The following CERS3 variants were observed in gnomAD, a reference collection of about 807,000 sequenced individuals.
CERS3 encodes the protein LAG1 homolog, ceramide synthase 3.
Under a neutral mutation model 50.3 loss-of-function variants are expected in CERS3, and 33 were observed. The observed-to-expected ratio is 0.66, with a 90% CI of 0.50 to 0.88. CERS3 has a LOEUF of 0.88. CERS3 is among the 40% of genes least tolerant of loss of function. The probability of loss-of-function intolerance (pLI) is 0.00; values close to 1 mark genes in which losing one functional copy is unlikely to be tolerated. For missense variants in CERS3, 470 were observed against 460.3 expected (o/e 1.02, Z -0.19); for synonymous variants, 176 against 155.2 (o/e 1.13, Z -0.99).
chr15:100,481,292 G>A (rs557003758), intron 5 of CERS3, among the ~76,000 whole-genome samples: 71 of 152,270 alleles, frequency 4.7e-4, no homozygotes, highest in African/African-American at 1.6e-3. Context: ...TAAGCTAGAC[G>A]ACAGTCTTTC....
chr15:100,452,472 C>A (rs1449094932), intron 11 of CERS3, among the ~76,000 whole-genome samples: 1 of 151,976 alleles, frequency 6.6e-6, no homozygotes, highest in Non-Finnish European at 1.5e-5. Flanking sequence ...AATCAAAACA[C>A]AACATATCAA....
At chr15:100,416,035 T>C (rs2031877090) in intron 11 of CERS3, among the ~76,000 whole-genome samples, 1 of 152,040 alleles carries the variant, frequency 6.6e-6, no homozygotes, top group Admixed American at 6.5e-5. Flanking sequence ...ATAGGAAAAG[T>C]CAATATTGTT....
At chr15:100,490,691 C>T in intron 4 of CERS3, 126 bp downstream of exon 4, 2 of 635,286 alleles carry the variant, frequency 3.1e-6, no homozygotes, top group Non-Finnish European at 5.6e-6. Flanking sequence ...ACAATAAATC[C>T]AAGTGAATCC....
In CERS3 at chr15:100,452,218, T is replaced by C. The variant is rs188629035; in HGVS notation, c.999+3675A>G. ...GGGACATTCTCCAGGATAGACCATA[T>C]GTTAGGACATAAAACATGTCTCAAC... On this transcript the variant is annotated intron_variant, in intron 11 of 11. Transcript: ENST00000679737. 6.0e-4 allele frequency among the ~76,000 whole-genome samples: 92 copies of C among 152,356 alleles called. 2 individuals are homozygous for C. The East Asian group carries it at 9.6e-3, about 16-fold the overall frequency.
At chr15:100,538,840 T>C (rs1435631366) in intron 1 of CERS3, among the ~76,000 whole-genome samples, 2 of 152,214 alleles carry the variant, frequency 1.3e-5, no homozygotes, top group Admixed American at 6.5e-5. Context: ...TTCTTTTCCA[T>C]TGAATCATCA....
rs950942254 is a variant in CERS3 at position 100,455,946 on chromosome 15, G to T, written c.946C>A (p.Leu316Ile). 6.2e-7 allele frequency: 1 copy of T among 1,613,334 alleles called. No homozygotes were observed. The highest frequency in any genetic ancestry group is 1.3e-5 in the African/African-American group (1 of 74,990). ...LQLMILQVLHLYWGYYILKML... is the reference protein window; with the variant it reads ...LQLMILQVLHIYWGYYILKML... Reference sequence around the variant, plus strand: ...TTCAAGATGTAATAACCCCAGTAAAGGTGAAGGACCTGCAAGATCATGAGC... The same window carrying T: ...TTCAAGATGTAATAACCCCAGTAAATGTGAAGGACCTGCAAGATCATGAGC... Residue 316 changes from leucine to isoleucine, a missense_variant, in exon 11 of 12, where the codon CTT becomes ATT. By Grantham distance (5) the Leu-to-Ile change is conservative (BLOSUM62 2). Coordinates refer to ENST00000679737, the MANE Select transcript of CERS3 (RefSeq NM_001378789.1).
chr15:100,471,884 C>T (rs985634254), intron 9 of CERS3, among the ~76,000 whole-genome samples: 1 of 152,174 alleles, frequency 6.6e-6, no homozygotes, highest in Non-Finnish European at 1.5e-5. Context: ...TGGTAAATTA[C>T]AGTCCCCCCA....
At position 100,492,367 on chromosome 15, in the gene CERS3, C is replaced by T. The variant is rs984562761; in HGVS notation, c.174-1436G>A. Among the ~76,000 whole-genome samples, 9 of 152,122 alleles carry T rather than the reference C, an allele frequency of 5.9e-5. No individual in the cohort carries two copies. In the East Asian group the frequency reaches 1.3e-3, roughly 23 times the overall value. On this transcript the variant is annotated intron_variant, in intron 3 of 11. Coordinates refer to ENST00000679737, the MANE Select transcript of CERS3 (RefSeq NM_001378789.1). ...TTTAATTCTGTCAGTTTTTACTCCA[C>T]GTATTTTGGAACTCTGTTGCTAAGT... is the stretch of plus-strand genomic sequence containing the variant.
chr15:100,409,617 ACT>A lies in CERS3; in HGVS notation c.1000-6754_1000-6753del, dbSNP rs573097562. On this transcript the variant is annotated intron_variant, in intron 11 of 11. Coordinates refer to ENST00000679737, the MANE Select transcript of CERS3 (RefSeq NM_001378789.1). ...AGGTCGAGCCTTGGTATTTTCTGAA[ACT>A]CTACCTGTCTGCTTTGACTGAGTGC... Among the ~76,000 whole-genome samples the A allele has an allele frequency of 1.8e-4, 27 of 152,222 alleles. No individual in the cohort carries two copies. The South Asian group carries it at 5.6e-3, about 32-fold the overall frequency.
intron 2 of CERS3, among the ~76,000 whole-genome samples, chr15:100,509,159 G>A (rs996593793): frequency 6.6e-6 from 1 of 152,230 alleles, no homozygotes; most frequent in Middle Eastern, 3.4e-3. Context: ...TTCTAACCTC[G>A]TGGGTATAGA....
At chr15:100,478,475 C>T (rs1555529605) in intron 7 of CERS3, among the ~76,000 whole-genome samples, 1 of 151,332 alleles carries the variant, frequency 6.6e-6, no homozygotes, top group Non-Finnish European at 1.5e-5. Context: ...AGTATTTGGG[C>T]CAATCCTTCC....
At chr15:100,427,960 A>G (rs1283989480) in intron 11 of CERS3, among the ~76,000 whole-genome samples, 1 of 152,236 alleles carries the variant, frequency 6.6e-6, no homozygotes, top group Non-Finnish European at 1.5e-5. Flanking sequence ...GTGAATTAGA[A>G]TGAATGAGGA....
intron 11 of CERS3, among the ~76,000 whole-genome samples, chr15:100,431,377 G>A (rs1378833758): frequency 6.6e-6 from 1 of 152,052 alleles, no homozygotes; most frequent in Admixed American, 6.6e-5. Flanking sequence ...CCAGAAAAAT[G>A]TGCTATTTAA....
chr15:100,517,810 T>C (rs1264668678), intron 2 of CERS3, among the ~76,000 whole-genome samples: 2 of 152,044 alleles, frequency 1.3e-5, no homozygotes, highest in African/African-American at 4.8e-5. Flanking sequence ...GCAGTGGGTG[T>C]GAGCGTTTAC....
intron 11 of CERS3, among the ~76,000 whole-genome samples, chr15:100,432,362 G>C (rs1446695147): frequency 6.6e-6 from 1 of 152,116 alleles, no homozygotes; most frequent in South Asian, 2.1e-4. Context: ...TTAACAAAAA[G>C]AAATATAACT....
At chr15:100,428,791 G>C (rs973506578) in intron 11 of CERS3, among the ~76,000 whole-genome samples, 1 of 152,252 alleles carries the variant, frequency 6.6e-6, no homozygotes. Flanking sequence ...CAGGTTTGAT[G>C]CATGTTAGGA....
chr15:100,511,116 G>A (rs886067014), intron 2 of CERS3, among the ~76,000 whole-genome samples: 5 of 151,932 alleles, frequency 3.3e-5, no homozygotes, highest in African/African-American at 9.7e-5. Flanking sequence ...TGGTGAAACT[G>A]CATCTCCACT....
chr15:100,417,622 G>A (rs574938933), intron 11 of CERS3, among the ~76,000 whole-genome samples: 1 of 152,080 alleles, frequency 6.6e-6, no homozygotes, highest in Admixed American at 6.5e-5. Flanking sequence ...TCCACCTCTG[G>A]GGGCAGGGCA....
At chr15:100,539,514 T>C (rs888510433) in intron 1 of CERS3, among the ~76,000 whole-genome samples, 39 of 152,312 alleles carry the variant, frequency 2.6e-4, no homozygotes, top group Admixed American at 1.9e-3. Flanking sequence ...GCAAGGCACT[T>C]TCTTCACAAG....
Sources: gnomAD v4.1 joint callset for allele counts (sites outside exome capture counted in the v4.1 genomes callset) on GRCh38, gnomAD v4.1.1 for gene constraint, MANE v1.5 for transcripts, NCBI Gene and HGNC (gene_info 2026-07-23, HGNC 2026-07-21) for gene names.